Variants in ZNF184 observed in about 807,000 individuals in gnomAD.
The protein encoded by ZNF184 is zinc finger protein 184 (Kruppel-like).
ZNF184 carries 16 observed loss-of-function variants against 54.4 expected under a neutral mutation model. The ratio of observed to expected loss-of-function variants is 0.29; its 90% confidence interval spans 0.20 to 0.45. ZNF184 has a LOEUF of 0.45. Ranked by LOEUF, ZNF184 falls within the 20% of genes least tolerant of loss-of-function variation. The pLI, the probability that ZNF184 is intolerant of heterozygous loss-of-function variation, is 1.00. For missense variants in ZNF184, 681 were observed against 888.2 expected (o/e 0.77, Z 2.97); for synonymous variants, 254 against 295.3 (o/e 0.86, Z 1.43).
chr6:27,452,713 C>A lies in ZNF184; in HGVS notation c.846G>T (p.Gln282His). 3 of 1,614,076 alleles carry A rather than the reference C, an allele frequency of 1.9e-6. No homozygotes were observed. The highest frequency in any genetic ancestry group is 2.5e-6 in the Non-Finnish European group (3 of 1,180,020). Residue 282 changes from glutamine (Q) to histidine (H), a missense_variant, in exon 6 of 6, where the codon CAG (glutamine) becomes CAT (histidine). By Grantham distance (24) the Gln-to-His change is conservative (BLOSUM62 0). Transcript: ENST00000683788. This position sits in a 1 kb window ranked among gnomAD's most constrained non-coding sequence, Gnocchi z 5.5. ...GACCCTCAATGAAGCCTTTTCCACA[C>A]TGATCACATTTATATGGTTTATCTC... is the stretch of plus-strand genomic sequence containing the variant. Reference protein sequence around the residue: ...HTGDKPYKCDQCGKGFIEGPS... With the variant: ...HTGDKPYKCDHCGKGFIEGPS...
chr6:27,466,327 C>T lies in ZNF184; in HGVS notation c.75+1526G>A, dbSNP rs148437939. On this transcript the variant is annotated intron_variant, in intron 3 of 5. Transcript: ENST00000683788. The stretch of plus-strand genomic sequence containing the variant: ...ACAACCTATTTTGGACTTTTGACTT[C>T]TAACACTGTGAGTAAATTGTGTTAT... Among the ~76,000 whole-genome samples the T allele has an allele frequency of 4.5e-4, 69 of 152,302 alleles. 1 individual carries two copies. Among genetic ancestry groups the T allele is most frequent in the African/African-American group, 1.6e-3 (65 of 41,568 alleles).
the ZNF184 span, among the ~76,000 whole-genome samples, chr6:27,430,701 A>G: frequency 1.3e-5 from 2 of 152,222 alleles, no homozygotes. Flanking sequence ...TCTGGATTCC[A>G]GAACTAATGA....
rs572463618 is a variant in ZNF184 at position 27,451,061 on chromosome 6, C to T, written c.*242G>A. Reference sequence around the variant, plus strand: ...TCCAAACTACCTTTGAAATAATCTACTCCAAATCCTTCATTCCATAAAGGA... The same window carrying T: ...TCCAAACTACCTTTGAAATAATCTATTCCAAATCCTTCATTCCATAAAGGA... On this transcript the variant is annotated 3_prime_UTR_variant, in exon 6 of 6. Transcript: ENST00000683788. 227 of 409,618 alleles carry T rather than the reference C, an allele frequency of 5.5e-4. No homozygotes were observed. The highest frequency in any genetic ancestry group is 9.0e-4 in the Non-Finnish European group (211 of 233,514). The allele number at this position is 409,618 out of a possible 1,614,324, so 25.4% of individuals were successfully genotyped here.
At chr6:27,465,856 T>C (rs912030838) in intron 3 of ZNF184, among the ~76,000 whole-genome samples, 6 of 103,408 alleles carry the variant, frequency 5.8e-5, no homozygotes, top group Non-Finnish European at 1.1e-4. Context: ...TCAGTAAGGA[T>C]ATAAAAGACT....
At chr6:27,413,610 A>ATATTTT in the ZNF184 span, among the ~76,000 whole-genome samples, 1 of 152,180 alleles carries the variant, frequency 6.6e-6, no homozygotes, top group African/African-American at 2.4e-5. Context: ...AATAAAACTG[A>ATATTTT]GACATCATGT....
chr6:27,415,499 T>C, the ZNF184 span, among the ~76,000 whole-genome samples: 2 of 152,298 alleles, frequency 1.3e-5, no homozygotes, highest in East Asian at 3.9e-4. Flanking sequence ...GAATTATTGG[T>C]ATAAGAGTTT....
At chr6:27,442,603 G>A in the ZNF184 span, among the ~76,000 whole-genome samples, 1 of 151,230 alleles carries the variant, frequency 6.6e-6, no homozygotes, top group Non-Finnish European at 1.5e-5. Flanking sequence ...TTGAAAGCAA[G>A]AAAGCAAGTA....
chr6:27,455,442 T>C (rs1232285963), intron 5 of ZNF184, among the ~76,000 whole-genome samples: 2 of 152,220 alleles, frequency 1.3e-5, no homozygotes. Flanking sequence ...TGGTTTTCTA[T>C]CTGGTCAAGT....
chr6:27,427,275 T>C, the ZNF184 span, among the ~76,000 whole-genome samples: 2 of 152,168 alleles, frequency 1.3e-5, no homozygotes, highest in Non-Finnish European at 2.9e-5. Flanking sequence ...TTTTTCGTTT[T>C]TGTACTTTAT....
At position 27,451,200 on chromosome 6, in the gene ZNF184, A is replaced by C; in HGVS notation, c.*103T>G. On this transcript the variant is annotated 3_prime_UTR_variant, in exon 6 of 6. Coordinates refer to ENST00000683788, the MANE Select transcript of ZNF184 (RefSeq NM_001318891.2). ...CATAACATGATAGTGAAAATTTAAA[A>C]GATTTCAAGGCAGTTTCTAAATCCA... The C allele has an allele frequency of 7.3e-7, 1 of 1,374,192 alleles. No individual in the cohort carries two copies. Among genetic ancestry groups the C allele is most frequent in the Non-Finnish European group, 9.8e-7 (1 of 1,020,396 alleles). The allele number at this position is 1,374,192 out of a possible 1,614,324, so 85.1% of individuals were successfully genotyped here. A position where few individuals can be genotyped will look rare whatever the true frequency, so the allele number is the denominator to read the frequency against.
chr6:27,412,382 C>G, the ZNF184 span, among the ~76,000 whole-genome samples: 1 of 152,116 alleles, frequency 6.6e-6, no homozygotes, highest in South Asian at 2.1e-4. Context: ...ACAACCAGGT[C>G]CATGCATGTG....
chr6:27,462,792 G>T (rs1301850359), intron 3 of ZNF184, among the ~76,000 whole-genome samples: 1 of 150,970 alleles, frequency 6.6e-6, no homozygotes, highest in South Asian at 2.1e-4. Flanking sequence ...TTGAACCCAG[G>T]AGGCAGAGGT....
the ZNF184 span, among the ~76,000 whole-genome samples, chr6:27,417,652 G>A: frequency 6.6e-6 from 1 of 152,156 alleles, no homozygotes; most frequent in South Asian, 2.1e-4. Flanking sequence ...TGTAAATAAA[G>A]AGATTGGATG....
chr6:27,419,970 T>C, the ZNF184 span, among the ~76,000 whole-genome samples: 1 of 152,204 alleles, frequency 6.6e-6, no homozygotes, highest in Non-Finnish European at 1.5e-5. The surrounding 1 kb of genome is among the most constrained non-coding windows in gnomAD (Gnocchi z 4.8). Flanking sequence ...TGCTCACTCC[T>C]TGGGTCCCGA....
At position 27,465,169 on chromosome 6, in the gene ZNF184, A is replaced by AAAAAG. The variant is rs756821117; in HGVS notation, c.75+2679_75+2683dup. Among the ~76,000 whole-genome samples, 1,484 of 148,526 alleles carry AAAAAG rather than the reference A, an allele frequency of 1.0e-2. 32 individuals carry two copies. The highest frequency in any genetic ancestry group is 0.035 in the African/African-American group (1,405 of 40,014). ...GAAATAAAGTTCTGTTATTTAAAAA[A>AAAAAG]AAAAGAAAAGAAAAGAAAAGAAAAG... On this transcript the variant is annotated intron_variant, in intron 3 of 5. Transcript: ENST00000683788.
chr6:27,417,359 G>C, the ZNF184 span, among the ~76,000 whole-genome samples: 2 of 150,370 alleles, frequency 1.3e-5, no homozygotes, highest in African/African-American at 4.9e-5. Context: ...TTGCTTGCTC[G>C]TTCCCTTTCT....
the ZNF184 span, among the ~76,000 whole-genome samples, chr6:27,441,326 C>T: frequency 6.6e-6 from 1 of 152,162 alleles, no homozygotes; most frequent in Non-Finnish European, 1.5e-5. Context: ...AGCAATCTGC[C>T]CGCCTCAGCC....
the ZNF184 span, among the ~76,000 whole-genome samples, chr6:27,442,739 G>GA: frequency 3.1e-3 from 441 of 140,856 alleles, 19 homozygotes; most frequent in African/African-American, 4.0e-3. Flanking sequence ...AGGAAGGAAG[G>GA]AGGGAGGGAG....
At chr6:27,406,743 AG>A in the ZNF184 span, 1 of 152,270 alleles carries the variant, frequency 6.6e-6, no homozygotes, top group Non-Finnish European at 1.5e-5. Flanking sequence ...CCACCACAGT[AG>A]GGGGTCTCTG....
Sources: allele counts gnomAD v4.1 joint callset (sites outside exome capture counted in the v4.1 genomes callset), GRCh38; gene constraint gnomAD v4.1.1; non-coding constraint Gnocchi (gnomAD v3.1); transcripts MANE v1.5; gene names NCBI Gene and HGNC (gene_info 2026-07-23, HGNC 2026-07-21).